Variants in ZNF804A observed in about 807,000 individuals in gnomAD.
The protein encoded by ZNF804A is zinc finger protein 804A.
Under a neutral mutation model 16.5 loss-of-function variants are expected in ZNF804A, and 2 were observed. The ratio of observed to expected loss-of-function variants is 0.12; its 90% CI spans 0.05 to 0.38. The LOEUF (loss-of-function observed/expected upper bound fraction) is 0.38. ZNF804A is among the 10% of genes least tolerant of loss of function. The pLI is 0.99. For synonymous variants in ZNF804A, 534 were observed against 489.6 expected, an observed-to-expected ratio of 1.09 and a Z score of -1.20; for missense variants, 1,473 against 1,390.7, an observed-to-expected ratio of 1.06 and a Z score of -0.94.
chr2:184,858,051 C>T (rs1412673559), intron 1 of ZNF804A, among the ~76,000 whole-genome samples: 3 of 152,108 alleles, frequency 2.0e-5, no homozygotes, highest in Admixed American at 1.3e-4. Flanking sequence ...ACTCTCGATG[C>T]CTTCCCTTCC....
At chr2:184,710,549 A>C (rs1306146043) in intron 1 of ZNF804A, among the ~76,000 whole-genome samples, 1 of 151,518 alleles carries the variant, frequency 6.6e-6, no homozygotes, top group Non-Finnish European at 1.5e-5. Context: ...CTCTCAACAA[A>C]GTTTTAAGTG....
At chr2:184,909,944 T>C (rs1022605133) in intron 2 of ZNF804A, among the ~76,000 whole-genome samples, 3 of 152,088 alleles carry the variant, frequency 2.0e-5, no homozygotes, top group Admixed American at 1.3e-4. Context: ...GTAGTTTTAG[T>C]CTCAATAATT....
chr2:184,898,804 A>G (rs1405588272), intron 2 of ZNF804A, among the ~76,000 whole-genome samples: 2 of 152,022 alleles, frequency 1.3e-5, no homozygotes, highest in Non-Finnish European at 2.9e-5. Context: ...ATCTATGAAA[A>G]GTACTTCCAT....
chr2:184,928,861 C>T (rs1322651255), intron 2 of ZNF804A, among the ~76,000 whole-genome samples: 2 of 152,174 alleles, frequency 1.3e-5, no homozygotes, highest in Non-Finnish European at 2.9e-5. Flanking sequence ...CTCTCTCACT[C>T]TCTCAAGTGT....
intron 2 of ZNF804A, among the ~76,000 whole-genome samples, chr2:184,899,042 T>G (rs1224140420): frequency 6.6e-6 from 1 of 151,938 alleles, no homozygotes; most frequent in Non-Finnish European, 1.5e-5. Flanking sequence ...AAAATACTTA[T>G]TCAGTGGTGG....
intron 1 of ZNF804A, among the ~76,000 whole-genome samples, chr2:184,616,790 G>A (rs1353392310): frequency 6.6e-6 from 1 of 152,118 alleles, no homozygotes; most frequent in Admixed American, 6.6e-5. Context: ...TTTAGAAAAT[G>A]TAGCATCATG....
At chr2:184,866,646 G>A in intron 2 of ZNF804A, 134 bp downstream of exon 2, 6 of 746,768 alleles carry the variant, frequency 8.0e-6, no homozygotes, top group Non-Finnish European at 1.1e-5. Flanking sequence ...ATATCATTCT[G>A]GGATGATAAT....
chr2:184,852,380 T>A (rs994194535), intron 1 of ZNF804A, among the ~76,000 whole-genome samples: 1 of 151,290 alleles, frequency 6.6e-6, no homozygotes, highest in Non-Finnish European at 1.5e-5. Flanking sequence ...ATTTTTCCTG[T>A]CCTGTTGGTT....
intron 1 of ZNF804A, among the ~76,000 whole-genome samples, chr2:184,736,874 T>A (rs1315087560): frequency 6.6e-6 from 1 of 150,982 alleles, no homozygotes; most frequent in Non-Finnish European, 1.5e-5. Context: ...TTTTTTTTTC[T>A]GCATAAAGCA....
At chr2:184,916,103 C>T (rs908587527) in intron 2 of ZNF804A, among the ~76,000 whole-genome samples, 1 of 152,104 alleles carries the variant, frequency 6.6e-6, no homozygotes, top group African/African-American at 2.4e-5. Context: ...GGTATTACTT[C>T]TCTACAAGGT....
chr2:184,892,483 C>CTTTTTTTTTTTTTTTT (rs869292193), intron 2 of ZNF804A, among the ~76,000 whole-genome samples: 6 of 105,706 alleles, frequency 5.7e-5, no homozygotes, highest in African/African-American at 6.5e-5. Context: ...TTGTTGTGTT[C>CTTTTTTTTTTTTTTTT]TTTTTTTTTT....
At chr2:184,876,978 C>T (rs941759076) in intron 2 of ZNF804A, among the ~76,000 whole-genome samples, 3 of 151,946 alleles carry the variant, frequency 2.0e-5, no homozygotes, top group Non-Finnish European at 2.9e-5. Context: ...AAAAGTCCTA[C>T]CACGTTGAGT....
chr2:184,911,954 A>G (rs1685366264), intron 2 of ZNF804A, among the ~76,000 whole-genome samples: 1 of 151,992 alleles, frequency 6.6e-6, no homozygotes, highest in Non-Finnish European at 1.5e-5. Context: ...ATACTTGGAT[A>G]AAATTGAGAT....
intron 1 of ZNF804A, among the ~76,000 whole-genome samples, chr2:184,812,764 T>A (rs547950591): frequency 6.6e-6 from 1 of 152,308 alleles, no homozygotes; most frequent in Admixed American, 6.5e-5. Flanking sequence ...ATTGTGAGGC[T>A]GTTGCCCTGA....
In ZNF804A at chr2:184,748,790, G is replaced by A. The variant is rs149631490; in HGVS notation, c.112-117579G>A. Among the ~76,000 whole-genome samples, 412 of 151,306 alleles carry A rather than the reference G, an allele frequency of 2.7e-3. 1 individual carries two copies. The highest frequency in any genetic ancestry group is 4.3e-3 in the Non-Finnish European group (292 of 67,490). On this transcript the variant is annotated intron_variant, in intron 1 of 3. Coordinates refer to ENST00000302277, the MANE Select transcript of ZNF804A (RefSeq NM_194250.2). ...TGGTGAAAGGTAAGTGTCTAGTTTC[G>A]TTCTTCTGCATATGGTTAGCCAGTT...
At chr2:184,866,595 G>C in intron 2 of ZNF804A, 83 bp downstream of exon 2, 1 of 1,130,770 alleles carries the variant, frequency 8.8e-7, no homozygotes, top group Non-Finnish European at 1.2e-6. Flanking sequence ...AATATGATAT[G>C]ATATTCTTAT....
At chr2:184,931,100 G>C (rs1685691525) in intron 2 of ZNF804A, among the ~76,000 whole-genome samples, 1 of 152,172 alleles carries the variant, frequency 6.6e-6, no homozygotes, top group Non-Finnish European at 1.5e-5. Context: ...CACTAGAACA[G>C]CACGGGAAAG....
chr2:184,904,383 C>A (rs2105828746), intron 2 of ZNF804A, among the ~76,000 whole-genome samples: 1 of 152,066 alleles, frequency 6.6e-6, no homozygotes, highest in East Asian at 1.9e-4. Flanking sequence ...AGAACTTAGT[C>A]CCATACTGTC....
At chr2:184,708,854 T>C (rs1693078679) in intron 1 of ZNF804A, among the ~76,000 whole-genome samples, 1 of 152,114 alleles carries the variant, frequency 6.6e-6, no homozygotes, top group African/African-American at 2.4e-5. Flanking sequence ...GATTTCCCAC[T>C]GAACTCAGAA....
Sources: allele counts gnomAD v4.1 joint callset (sites outside exome capture counted in the v4.1 genomes callset), GRCh38; gene constraint gnomAD v4.1.1; transcripts MANE v1.5; gene names NCBI Gene and HGNC (gene_info 2026-07-23, HGNC 2026-07-21).